MYO1D: variants seen among roughly 807,000 people sequenced by gnomAD.
MYO1D encodes the protein unconventional myosin-Id.
In MYO1D, 83 loss-of-function variants were observed where a neutral mutation model predicts 122.0. The observed-to-expected ratio is 0.68, with a 90% CI of 0.57 to 0.82. MYO1D has a LOEUF of 0.82. Ranked by LOEUF, MYO1D falls within the 40% of genes least tolerant of loss-of-function variation. The probability of loss-of-function intolerance (pLI) is 0.00; values close to 1 mark genes in which losing one functional copy is unlikely to be tolerated. For missense variants in MYO1D, 1,157 were observed against 1,269.5 expected (o/e 0.91, Z 1.35); for synonymous variants, 464 against 446.9 (o/e 1.04, Z -0.48).
chr17:32,872,401 T>C (rs1007215506), intron 1 of MYO1D, among the ~76,000 whole-genome samples: 1 of 151,710 alleles, frequency 6.6e-6, no homozygotes, highest in Non-Finnish European at 1.5e-5. Flanking sequence ...GCCTCCCAAG[T>C]AGCTGGGACC....
At position 32,712,814 on chromosome 17, in the gene MYO1D, G is replaced by A. The variant is rs117711217; in HGVS notation, c.1914-619C>T. On this transcript the variant is annotated intron_variant, in intron 15 of 21. Coordinates refer to ENST00000318217, the MANE Select transcript of MYO1D (RefSeq NM_015194.3). Reference sequence around the variant, plus strand: ...TCATTAAGGCAGCTCACCACACAGCGGCTTGCTTCATGAGTGTGAGTGTGA... The same window carrying A: ...TCATTAAGGCAGCTCACCACACAGCAGCTTGCTTCATGAGTGTGAGTGTGA... 4.3e-3 allele frequency among the ~76,000 whole-genome samples: 662 copies of A among 152,254 alleles called. 24 individuals carry two copies. In the East Asian group the frequency reaches 0.075, roughly 17 times the overall value.
intron 19 of MYO1D, among the ~76,000 whole-genome samples, chr17:32,651,325 G>C (rs2088384542): frequency 6.6e-6 from 1 of 152,170 alleles, no homozygotes; most frequent in Non-Finnish European, 1.5e-5. Flanking sequence ...GTGCTGATCA[G>C]TACTCAGACG....
chr17:32,494,516 A>C lies in MYO1D; in HGVS notation c.*243T>G, dbSNP rs1909013828. The C allele has an allele frequency of 5.6e-6, 3 of 532,984 alleles. No homozygotes were observed. The African/African-American group carries it at 5.8e-5, about 10-fold the overall frequency. The allele number at this position is 532,984 out of a possible 1,614,324, so 33.0% of individuals were successfully genotyped here. A position where few individuals can be genotyped will look rare whatever the true frequency, so the allele number is the denominator to read the frequency against. On this transcript the variant is annotated 3_prime_UTR_variant, in exon 22 of 22. Transcript: ENST00000318217. The stretch of plus-strand genomic sequence containing the variant: ...CTGGGGTGAGATTGGTCTGGACGTC[A>C]GCCCAGGGGTCTGGGCGGGGCACCA...
chr17:32,611,174 G>A (rs572949477), intron 20 of MYO1D, among the ~76,000 whole-genome samples: 2 of 152,174 alleles, frequency 1.3e-5, no homozygotes, highest in Non-Finnish European at 2.9e-5. Context: ...GCAATGGAAT[G>A]AGCGCTAGAG....
intron 1 of MYO1D, among the ~76,000 whole-genome samples, chr17:32,865,787 T>G (rs1327248493): frequency 6.6e-6 from 1 of 152,162 alleles, no homozygotes; most frequent in Admixed American, 6.5e-5. Flanking sequence ...GAATACAAAC[T>G]GGGATATCTT....
intron 1 of MYO1D, among the ~76,000 whole-genome samples, chr17:32,864,917 T>C (rs901883379): frequency 2.6e-5 from 4 of 152,054 alleles, no homozygotes; most frequent in African/African-American, 7.2e-5. Context: ...TATAAACCGA[T>C]AGGAAAGGTT....
At chr17:32,495,109 C>T (rs756413556) in intron 21 of MYO1D, among the ~76,000 whole-genome samples, 194 bp from the exon 22 acceptor site, 1 of 152,200 alleles carries the variant, frequency 6.6e-6, no homozygotes, top group Non-Finnish European at 1.5e-5. Context: ...ACCACAGCCT[C>T]GGCACCATGG....
chr17:32,807,954 C>A (rs1031436769), intron 1 of MYO1D, among the ~76,000 whole-genome samples: 2 of 152,124 alleles, frequency 1.3e-5, no homozygotes, highest in Non-Finnish European at 2.9e-5. Context: ...GAGATGTCAG[C>A]CCCTACTGAT....
At chr17:32,862,504 T>G (rs534882323) in intron 1 of MYO1D, among the ~76,000 whole-genome samples, 1 of 152,362 alleles carries the variant, frequency 6.6e-6, no homozygotes, top group Non-Finnish European at 1.5e-5. Flanking sequence ...GCCAAAGTTT[T>G]GAATATGTAC....
chr17:32,867,876 A>C (rs1271919164), intron 1 of MYO1D, among the ~76,000 whole-genome samples: 4 of 149,954 alleles, frequency 2.7e-5, no homozygotes, highest in African/African-American at 9.8e-5. Flanking sequence ...AAAAACATAT[A>C]GGGTCTATAG....
chr17:32,603,731 T>C (rs1284524282), intron 21 of MYO1D, among the ~76,000 whole-genome samples: 1 of 152,038 alleles, frequency 6.6e-6, no homozygotes, highest in African/African-American at 2.4e-5. Context: ...TTCACTGTGT[T>C]ACCCAGGATG....
chr17:32,678,022 G>C (rs2088847972), intron 16 of MYO1D, among the ~76,000 whole-genome samples: 2 of 152,152 alleles, frequency 1.3e-5, no homozygotes, highest in African/African-American at 4.8e-5. Context: ...TGAAGAAATG[G>C]ATGTGTAATA....
At chr17:32,851,171 T>C (rs2090984447) in intron 1 of MYO1D, among the ~76,000 whole-genome samples, 1 of 152,142 alleles carries the variant, frequency 6.6e-6, no homozygotes, top group South Asian at 2.1e-4. Context: ...AAGTCGATGT[T>C]TCTACCATTC....
chr17:32,565,986 AAGT>A (rs1398321256), intron 21 of MYO1D, among the ~76,000 whole-genome samples: 2 of 152,094 alleles, frequency 1.3e-5, no homozygotes, highest in African/African-American at 2.4e-5. Context: ...CAGCCTCCCA[AAGT>A]GCTGGGATTA....
intron 21 of MYO1D, among the ~76,000 whole-genome samples, chr17:32,590,680 T>A (rs1353729689): frequency 6.6e-6 from 1 of 152,186 alleles, no homozygotes; most frequent in Admixed American, 6.5e-5. Context: ...AACTCCTGAT[T>A]CCAATATAGC....
chr17:32,592,707 T>C (rs1379444372), intron 21 of MYO1D, among the ~76,000 whole-genome samples: 1 of 45,376 alleles, frequency 2.2e-5, no homozygotes, highest in African/African-American at 6.6e-5. Context: ...ACAATCTAGC[T>C]GTTACAAATG....
chr17:32,514,388 T>C (rs1909814530), intron 21 of MYO1D, among the ~76,000 whole-genome samples: 1 of 152,114 alleles, frequency 6.6e-6, no homozygotes, highest in South Asian at 2.1e-4. Context: ...CCACCGCGGA[T>C]GCCCAAGATT....
At chr17:32,810,876 T>C (rs1229242149) in intron 1 of MYO1D, among the ~76,000 whole-genome samples, 1 of 152,232 alleles carries the variant, frequency 6.6e-6, no homozygotes, top group Non-Finnish European at 1.5e-5. Flanking sequence ...AATTTAATAT[T>C]TATGAGTCTT....
intron 20 of MYO1D, among the ~76,000 whole-genome samples, chr17:32,629,017 T>C (rs2087966470): frequency 6.6e-6 from 1 of 152,190 alleles, no homozygotes; most frequent in Non-Finnish European, 1.5e-5. Context: ...GGCACCTCCA[T>C]ATAATGAACT....
Sources: allele counts gnomAD v4.1 joint callset (sites outside exome capture counted in the v4.1 genomes callset), GRCh38; gene constraint gnomAD v4.1.1; transcripts MANE v1.5; gene names NCBI Gene and HGNC (gene_info 2026-07-23, HGNC 2026-07-21).